ST6GALNAC5: variants seen among roughly 807,000 people sequenced by gnomAD.
The protein encoded by ST6GALNAC5 is alpha-N-acetylgalactosaminide alpha-2,6-sialyltransferase 5.
Under a neutral mutation model 33.6 loss-of-function variants are expected in ST6GALNAC5, and 27 were observed. The observed-to-expected ratio is 0.80, with a 90% CI of 0.59 to 1.11. ST6GALNAC5 has a LOEUF of 1.11. ST6GALNAC5 is among the 50% of genes least tolerant of loss of function. The pLI, the probability that ST6GALNAC5 is intolerant of heterozygous loss-of-function variation, is 0.00. For synonymous variants in ST6GALNAC5, 194 were observed against 171.2 expected, an observed-to-expected ratio of 1.13 and a Z score of -1.04; for missense variants, 428 against 454.0, an observed-to-expected ratio of 0.94 and a Z score of 0.52.
intron 2 of ST6GALNAC5, among the ~76,000 whole-genome samples, chr1:76,990,703 T>C (rs1044725648): frequency 1.3e-5 from 2 of 152,160 alleles, no homozygotes; most frequent in African/African-American, 4.8e-5. Flanking sequence ...TAACGAATTA[T>C]TGTATGAATT....
chr1:76,870,170 C>T (rs1393780514), intron 2 of ST6GALNAC5, among the ~76,000 whole-genome samples: 3 of 152,092 alleles, frequency 2.0e-5, no homozygotes, highest in East Asian at 1.9e-4. Flanking sequence ...CTTTTGTTTC[C>T]GCTCTTAGTT....
chr1:76,893,775 C>T (rs1174208326), intron 2 of ST6GALNAC5, among the ~76,000 whole-genome samples: 2 of 152,194 alleles, frequency 1.3e-5, no homozygotes, highest in African/African-American at 4.8e-5. Flanking sequence ...ATTCTCCTGC[C>T]TCAGCCTCCT....
intron 2 of ST6GALNAC5, among the ~76,000 whole-genome samples, chr1:76,930,759 C>T (rs543146585): frequency 6.6e-6 from 1 of 152,254 alleles, no homozygotes; most frequent in South Asian, 2.1e-4. Flanking sequence ...GCATTGTCAG[C>T]AGCCATCCAG....
At chr1:76,942,322 T>C (rs2100326233) in intron 2 of ST6GALNAC5, among the ~76,000 whole-genome samples, 1 of 152,284 alleles carries the variant, frequency 6.6e-6, no homozygotes, top group Admixed American at 6.5e-5. Context: ...CATTTGTTTC[T>C]CTTTTACCAT....
At chr1:76,968,871 T>G (rs1024595737) in intron 2 of ST6GALNAC5, among the ~76,000 whole-genome samples, 3 of 152,358 alleles carry the variant, frequency 2.0e-5, no homozygotes, top group South Asian at 2.1e-4. Context: ...AATTCTGGGT[T>G]GAAAATTCTT....
chr1:76,902,861 C>T (rs1049721756), intron 2 of ST6GALNAC5, among the ~76,000 whole-genome samples: 1 of 152,048 alleles, frequency 6.6e-6, no homozygotes, highest in Non-Finnish European at 1.5e-5. Flanking sequence ...GCCCTTACCT[C>T]ACACAATATA....
intron 2 of ST6GALNAC5, among the ~76,000 whole-genome samples, chr1:76,926,716 G>C (rs1312017150): frequency 6.6e-6 from 1 of 152,040 alleles, no homozygotes; most frequent in African/African-American, 2.4e-5. Flanking sequence ...AGGAATTAGT[G>C]GTTCAATTTT....
At chr1:76,992,372 C>G (rs1294434303) in intron 2 of ST6GALNAC5, among the ~76,000 whole-genome samples, 1 of 152,218 alleles carries the variant, frequency 6.6e-6, no homozygotes, top group African/African-American at 2.4e-5. Flanking sequence ...TTCTCAGTGT[C>G]TTCCTCCTAT....
chr1:76,906,134 T>A (rs980650507), intron 2 of ST6GALNAC5, among the ~76,000 whole-genome samples: 1 of 152,206 alleles, frequency 6.6e-6, no homozygotes, highest in African/African-American at 2.4e-5. Flanking sequence ...TAAGCTGTTA[T>A]CTGGCAACAA....
chr1:76,908,895 C>A (rs1304215954), intron 2 of ST6GALNAC5, among the ~76,000 whole-genome samples: 3 of 152,118 alleles, frequency 2.0e-5, no homozygotes, highest in Admixed American at 2.0e-4. Context: ...CTATGCAATT[C>A]TTTGATGCTC....
intron 2 of ST6GALNAC5, among the ~76,000 whole-genome samples, chr1:76,998,635 T>G (rs532850879): frequency 2.0e-5 from 3 of 152,312 alleles, no homozygotes; most frequent in East Asian, 3.9e-4. Context: ...TGGTATTTTC[T>G]CATTATTAGA....
At chr1:76,970,090 T>G (rs1227716490) in intron 2 of ST6GALNAC5, among the ~76,000 whole-genome samples, 2 of 151,960 alleles carry the variant, frequency 1.3e-5, no homozygotes, top group East Asian at 3.9e-4. Flanking sequence ...ACCAAAAAGA[T>G]GAGGAGAAAC....
At position 76,937,155 on chromosome 1, in the gene ST6GALNAC5, A is replaced by T. The variant is rs575233762; in HGVS notation, c.261+68413A>T. ...AACATAGCAGCACTAATAGAAGCCAAAGAGAAAAACAAATGACTTGGGGAG... is the reference window on the plus strand; with the variant it reads ...AACATAGCAGCACTAATAGAAGCCATAGAGAAAAACAAATGACTTGGGGAG... On this transcript the variant is annotated intron_variant, in intron 2 of 4. Coordinates refer to ENST00000477717, the MANE Select transcript of ST6GALNAC5 (RefSeq NM_030965.3). Among the ~76,000 whole-genome samples, 5 of 152,134 alleles carry T rather than the reference A, an allele frequency of 3.3e-5. No homozygotes were observed. In the South Asian group the frequency reaches 1.0e-3, roughly 32 times the overall value.
chr1:76,945,687 C>A (rs1647493157), intron 2 of ST6GALNAC5, among the ~76,000 whole-genome samples: 1 of 152,016 alleles, frequency 6.6e-6, no homozygotes, highest in Admixed American at 6.6e-5. Context: ...ACAATAAGCA[C>A]CTTGGTTTAA....
At chr1:76,937,478 C>T (rs1421160083) in intron 2 of ST6GALNAC5, among the ~76,000 whole-genome samples, 4 of 151,968 alleles carry the variant, frequency 2.6e-5, no homozygotes, top group Non-Finnish European at 5.9e-5. Flanking sequence ...TATTTGATAG[C>T]TTACTGGAAG....
chr1:77,048,762 T>A (rs1453884871), intron 3 of ST6GALNAC5, among the ~76,000 whole-genome samples: 1 of 152,206 alleles, frequency 6.6e-6, no homozygotes, highest in African/African-American at 2.4e-5. Context: ...GGAAGAGATG[T>A]CAACGTACCA....
intron 2 of ST6GALNAC5, among the ~76,000 whole-genome samples, chr1:76,946,987 T>TCAAAA (rs1647540755): frequency 1.3e-5 from 2 of 151,392 alleles, no homozygotes; most frequent in Admixed American, 1.3e-4. Context: ...TTATTAAAAC[T>TCAAAA]CAAACTGTTA....
intron 2 of ST6GALNAC5, among the ~76,000 whole-genome samples, chr1:76,992,605 C>A (rs1649780832): frequency 6.6e-6 from 1 of 152,188 alleles, no homozygotes; most frequent in Non-Finnish European, 1.5e-5. Context: ...AGCTGTCCTG[C>A]CACCTCAGCC....
intron 3 of ST6GALNAC5, 31 bp from the exon 4 acceptor site, chr1:77,050,226 CA>C: frequency 6.3e-7 from 1 of 1,591,704 alleles, no homozygotes; most frequent in South Asian, 1.1e-5. Context: ...GTTACTTTAC[CA>C]GCTTGCAGAC....
Sources: gnomAD v4.1 joint callset for allele counts (sites outside exome capture counted in the v4.1 genomes callset) on GRCh38, gnomAD v4.1.1 for gene constraint, MANE v1.5 for transcripts, NCBI Gene and HGNC (gene_info 2026-07-23, HGNC 2026-07-21) for gene names.